ANKRD28: variants seen among roughly 807,000 people sequenced by gnomAD.
ANKRD28 encodes serine/threonine-protein phosphatase 6 regulatory ankyrin repeat subunit A.
Under a neutral mutation model 126.5 loss-of-function variants are expected in ANKRD28, and 44 were observed. The observed-to-expected ratio is 0.35, with a 90% CI of 0.27 to 0.45. ANKRD28 has a LOEUF of 0.45. Among genes scored for constraint, ANKRD28 ranks in the 20% least tolerant of loss-of-function variants. The pLI, the probability that ANKRD28 is intolerant of heterozygous loss-of-function variation, is 1.00. For synonymous variants in ANKRD28, 442 were observed against 468.5 expected (o/e 0.94, Z 0.73); for missense variants, 1,110 against 1,316.6 (o/e 0.84, Z 2.43).
chr3:15,700,684 G>A (rs2070445860), intron 14 of ANKRD28, among the ~76,000 whole-genome samples: 1 of 152,176 alleles, frequency 6.6e-6, no homozygotes, highest in Admixed American at 6.5e-5. Context: ...TGAGGCAGGA[G>A]AATTGCTTGA....
At position 15,700,599 on chromosome 3, in the gene ANKRD28, T is replaced by C. The variant is rs144065269; in HGVS notation, c.1548-4354A>G. On this transcript the variant is annotated intron_variant, in intron 14 of 27. Coordinates refer to ENST00000683139, the MANE Select transcript of ANKRD28 (RefSeq NM_001349278.2). The stretch of plus-strand genomic sequence containing the variant: ...GACCATCCTGGCCAACATGGTGAAA[T>C]CTTGTCTCTACCAAGAGTACAAAAA... Among the ~76,000 whole-genome samples the C allele has an allele frequency of 4.4e-3, 666 of 151,864 alleles. 8 individuals are homozygous for C. Among genetic ancestry groups the C allele is most frequent in the East Asian group, 0.023 (120 of 5,166 alleles).
At chr3:15,719,041 T>TG (rs2073399935) in intron 8 of ANKRD28, among the ~76,000 whole-genome samples, 1 of 152,206 alleles carries the variant, frequency 6.6e-6, no homozygotes, top group South Asian at 2.1e-4. Flanking sequence ...TTACTTAAAC[T>TG]ATAAAAAATG....
chr3:15,770,403 C>CAT lies in ANKRD28; in HGVS notation c.202-4093_202-4092dup, dbSNP rs572551910. On this transcript the variant is annotated intron_variant, in intron 2 of 27. Coordinates refer to ENST00000683139, the MANE Select transcript of ANKRD28 (RefSeq NM_001349278.2). The stretch of plus-strand genomic sequence containing the variant: ...CTTAATAATTACTATGTATTGAATA[C>CAT]ATATATATACATATATATATATATA... Among the ~76,000 whole-genome samples the CAT allele has an allele frequency of 1.9e-3, 264 of 136,718 alleles. 3 individuals carry two copies. Among genetic ancestry groups the CAT allele is most frequent in the Admixed American group, 0.017 (246 of 14,234 alleles). The allele number at this position is 136,718 out of a possible 152,430, so 89.7% of individuals were successfully genotyped here. A position where few individuals can be genotyped will look rare whatever the true frequency, so the allele number is the denominator to read the frequency against.
rs397963167 is a variant in ANKRD28 at position 15,837,099 on chromosome 3, C to CAAA, written c.27+22275_27+22277dup. ...TGGGCAACAGAGCAAGACTCCGTCT[C>CAAA]AAAAAAAAAAAAAAAACCATAAAAA... On this transcript the variant is annotated intron_variant, in intron 1 of 27. Coordinates refer to the ANKRD28 transcript ENST00000399451. 3.5e-3 allele frequency among the ~76,000 whole-genome samples: 378 copies of CAAA among 108,512 alleles called. 5 individuals carry two copies. The highest frequency in any genetic ancestry group is 0.015 in the African/African-American group (359 of 23,960). The allele number at this position is 108,512 out of a possible 152,430, so 71.2% of individuals were successfully genotyped here.
chr3:15,760,389 A>C (rs972035265), intron 3 of ANKRD28, among the ~76,000 whole-genome samples: 2 of 152,176 alleles, frequency 1.3e-5, no homozygotes, highest in Admixed American at 6.5e-5. Context: ...TGTACTCCTG[A>C]ACTTAAAATT....
intron 4 of ANKRD28, among the ~76,000 whole-genome samples, chr3:15,743,921 C>A (rs1427599078): frequency 6.6e-6 from 1 of 152,168 alleles, no homozygotes; most frequent in Non-Finnish European, 1.5e-5. Flanking sequence ...GCTATTCTGT[C>A]CTTAGGAGAA....
chr3:15,819,434 A>G (rs1177910475), intron 1 of ANKRD28, among the ~76,000 whole-genome samples: 2 of 152,218 alleles, frequency 1.3e-5, no homozygotes, highest in Admixed American at 6.5e-5. Context: ...GTAAAATATT[A>G]TCTTTCCAAC....
At chr3:15,735,602 C>T (rs2074964895) in intron 5 of ANKRD28, 105 bp from the exon 6 acceptor site, 1 of 801,790 alleles carries the variant, frequency 1.2e-6, no homozygotes, top group African/African-American at 1.7e-5. Context: ...CACTAAATTT[C>T]TGCAGTTGCT....
chr3:15,808,993 CT>C lies in ANKRD28; in HGVS notation c.28-13688del, dbSNP rs893451741. ...TGGTTTTTCTTCTACACACACCCCC[CT>C]TTTTTTTTTCTAGCTCCTTTTAATC... On this transcript the variant is annotated intron_variant, in intron 1 of 27. Transcript: ENST00000399451. Among the ~76,000 whole-genome samples, 19 of 149,260 alleles carry C rather than the reference CT, an allele frequency of 1.3e-4. No homozygotes were observed. In the East Asian group the frequency reaches 2.0e-3, roughly 15 times the overall value.
chr3:15,766,101 A>G (rs1306419315), intron 3 of ANKRD28, 133 bp downstream of exon 3: 1 of 638,362 alleles, frequency 1.6e-6, no homozygotes, highest in African/African-American at 1.8e-5. Flanking sequence ...TGGAATGAAT[A>G]TAAAAATAAG....
chr3:15,701,523 A>C (rs1236771859), intron 14 of ANKRD28, among the ~76,000 whole-genome samples: 1 of 152,136 alleles, frequency 6.6e-6, no homozygotes, highest in Admixed American at 6.6e-5. Context: ...ACACACCTGT[A>C]ATCCCAGCTC....
At chr3:15,671,989 G>T (rs1475388413) in intron 27 of ANKRD28, among the ~76,000 whole-genome samples, 2 of 151,958 alleles carry the variant, frequency 1.3e-5, no homozygotes, top group Non-Finnish European at 2.9e-5. Flanking sequence ...TATCAATGTT[G>T]TATGTAACTG....
chr3:15,731,975 T>C (rs543486185), intron 6 of ANKRD28: 1 of 148,096 alleles, frequency 6.8e-6, no homozygotes, highest in East Asian at 2.0e-4. Flanking sequence ...TGCAATGCAA[T>C]ATGGATTCTC....
At chr3:15,826,404 A>G (rs1301169672) in intron 1 of ANKRD28, among the ~76,000 whole-genome samples, 1 of 152,222 alleles carries the variant, frequency 6.6e-6, no homozygotes, top group Non-Finnish European at 1.5e-5. Context: ...AGTGATAAAA[A>G]GATACATAAA....
intron 14 of ANKRD28, among the ~76,000 whole-genome samples, chr3:15,705,143 C>T (rs1407270344): frequency 6.6e-6 from 1 of 152,082 alleles, no homozygotes; most frequent in East Asian, 1.9e-4. Context: ...GTTTAGTGTA[C>T]ATACTGAGGA....
At chr3:15,730,659 T>C (rs558310455) in intron 6 of ANKRD28, among the ~76,000 whole-genome samples, 26 of 152,354 alleles carry the variant, frequency 1.7e-4, no homozygotes, top group African/African-American at 6.3e-4. Context: ...ATACCTAGAA[T>C]GGCTGAACAG....
At chr3:15,728,814 C>T (rs1234134085) in intron 6 of ANKRD28, among the ~76,000 whole-genome samples, 4 of 152,148 alleles carry the variant, frequency 2.6e-5, no homozygotes, top group Non-Finnish European at 4.4e-5. Context: ...ATAATTTCCA[C>T]CAGATCTTAA....
intron 13 of ANKRD28, 62 bp downstream of exon 13, chr3:15,709,606 A>G: frequency 8.7e-7 from 1 of 1,149,518 alleles, no homozygotes; most frequent in Non-Finnish European, 1.2e-6. Flanking sequence ...GAAGCCAGTT[A>G]GAAGGTCAAT....
chr3:15,677,933 A>C (rs2067122393), intron 24 of ANKRD28, among the ~76,000 whole-genome samples: 1 of 152,294 alleles, frequency 6.6e-6, no homozygotes, highest in African/African-American at 2.4e-5. Context: ...AAGGTCATTT[A>C]GCTGAAAGAT....
Sources: allele counts gnomAD v4.1 joint callset (sites outside exome capture counted in the v4.1 genomes callset), GRCh38; gene constraint gnomAD v4.1.1; transcripts MANE v1.5; gene names NCBI Gene and HGNC (gene_info 2026-07-23, HGNC 2026-07-21).